The following CCR5AS variants were observed in gnomAD, a reference collection of about 807,000 sequenced individuals.
The protein encoded by CCR5AS is CCR5 antisense RNA.
chr3:46,377,483 A>G (rs916611782), intron 2 of CCR5AS, among the ~76,000 whole-genome samples: 6 of 152,226 alleles, frequency 3.9e-5, no homozygotes, highest in Non-Finnish European at 8.8e-5. Context: ...TTTGTACTCC[A>G]GGGGTTCTTA....
At chr3:46,367,156 C>G (rs1701607277) in intron 3 of CCR5AS, among the ~76,000 whole-genome samples, 2 of 152,002 alleles carry the variant, frequency 1.3e-5, no homozygotes, top group Admixed American at 6.5e-5. Flanking sequence ...GTGGCCCTTA[C>G]CTCTGGGTGG....
At chr3:46,370,597 T>G (rs1701648188) in intron 3 of CCR5AS, among the ~76,000 whole-genome samples, 1 of 152,242 alleles carries the variant, frequency 6.6e-6, no homozygotes, top group Non-Finnish European at 1.5e-5. Context: ...AATCATTTGC[T>G]TCTTGGATAG....
intron 3 of CCR5AS, among the ~76,000 whole-genome samples, chr3:46,367,058 T>C (rs1701606570): frequency 6.6e-6 from 1 of 152,178 alleles, no homozygotes; most frequent in African/African-American, 2.4e-5. Context: ...TTTTGTTGAA[T>C]GAATGAAGCC....
chr3:46,377,201 T>C lies in CCR5AS; in HGVS notation n.392-5784A>G, dbSNP rs1048490917. 3.9e-5 allele frequency among the ~76,000 whole-genome samples: 6 copies of C among 152,198 alleles called. No homozygotes were observed. The South Asian group carries it at 1.0e-3, about 26-fold the overall frequency. On this transcript the variant is annotated intron_variant and non_coding_transcript_variant, in intron 2 of 3. Transcript: ENST00000451485. ...CATCTTATTAAATGTCTTCCAACGT[T>C]AGCACGAAGAAAAGCTATTTGCAGT...
intron 1 of CCR5AS, among the ~76,000 whole-genome samples, chr3:46,404,630 A>G (rs1489053189): frequency 2.6e-5 from 4 of 151,892 alleles, no homozygotes; most frequent in Non-Finnish European, 5.9e-5. Context: ...GAGCCACCAC[A>G]GCCAGCTCTC....
chr3:46,367,720 A>T (rs1701613691), intron 3 of CCR5AS, among the ~76,000 whole-genome samples: 1 of 152,132 alleles, frequency 6.6e-6, no homozygotes, highest in Admixed American at 6.5e-5. Flanking sequence ...ATAGGGGCGC[A>T]CCACCACATC....
intron 2 of CCR5AS, among the ~76,000 whole-genome samples, chr3:46,377,943 G>T (rs1701778873): frequency 6.6e-6 from 1 of 152,132 alleles, no homozygotes. Flanking sequence ...CTGACCTCGT[G>T]ATCTGCCCGC....
chr3:46,385,828 C>T (rs1701856114), intron 2 of CCR5AS, among the ~76,000 whole-genome samples: 1 of 152,054 alleles, frequency 6.6e-6, no homozygotes, highest in South Asian at 2.1e-4. Flanking sequence ...GCAAGCTCTG[C>T]CTCCAGGGTT....
chr3:46,375,011 G>T (rs1270356449), intron 2 of CCR5AS: 1 of 167,466 alleles, frequency 6.0e-6, no homozygotes, highest in Non-Finnish European at 1.5e-5. Context: ...GAGTCAGAGA[G>T]AATCCCTAGT....
intron 2 of CCR5AS, among the ~76,000 whole-genome samples, chr3:46,385,444 T>G (rs1575284234): frequency 2.6e-5 from 4 of 152,130 alleles, no homozygotes; most frequent in African/African-American, 9.7e-5. Flanking sequence ...AGCAACTGGA[T>G]CCAATATGGT....
At chr3:46,403,671 G>A (rs1162605441) in intron 1 of CCR5AS, among the ~76,000 whole-genome samples, 1 of 152,190 alleles carries the variant, frequency 6.6e-6, no homozygotes, top group Non-Finnish European at 1.5e-5. Flanking sequence ...TGGCAGGTTG[G>A]GGCTGCTGAG....
chr3:46,394,211 G>T (rs556067009), intron 1 of CCR5AS, among the ~76,000 whole-genome samples: 32 of 152,226 alleles, frequency 2.1e-4, no homozygotes, highest in Admixed American at 1.8e-3. Flanking sequence ...CAACATCCTG[G>T]AACACTCAGG....
At chr3:46,389,854 T>A (rs1220407722) in intron 2 of CCR5AS, among the ~76,000 whole-genome samples, 1 of 152,010 alleles carries the variant, frequency 6.6e-6, no homozygotes. Context: ...TCTGGGAGAT[T>A]AACTGAACAG....
intron 2 of CCR5AS, among the ~76,000 whole-genome samples, chr3:46,380,145 G>C (rs1238933940): frequency 6.6e-6 from 1 of 152,078 alleles, no homozygotes; most frequent in African/African-American, 2.4e-5. Context: ...CCTTCAACCT[G>C]CCTTTCTGGA....
chr3:46,369,752 A>G (rs1425155316), intron 3 of CCR5AS, among the ~76,000 whole-genome samples: 1 of 152,148 alleles, frequency 6.6e-6, no homozygotes, highest in Non-Finnish European at 1.5e-5. Flanking sequence ...TGAAATGACT[A>G]CTGTCATTCA....
chr3:46,368,039 A>G (rs554327024), intron 3 of CCR5AS, among the ~76,000 whole-genome samples: 4 of 152,286 alleles, frequency 2.6e-5, no homozygotes, highest in South Asian at 2.1e-4. Flanking sequence ...CTTGCACCCA[A>G]AGTGAATAAT....
chr3:46,395,119 T>G (rs1701948358), intron 1 of CCR5AS, among the ~76,000 whole-genome samples: 1 of 152,108 alleles, frequency 6.6e-6, no homozygotes, highest in African/African-American at 2.4e-5. Flanking sequence ...CTCTGAGGGC[T>G]CAAGGGAGGA....
chr3:46,406,956 A>C (rs1239405235), exon 1 of CCR5AS: 1 of 152,206 alleles, frequency 6.6e-6, no homozygotes, highest in Non-Finnish European at 1.5e-5. Flanking sequence ...GTTTCTGCGA[A>C]CACTGGTGAG....
intron 2 of CCR5AS, among the ~76,000 whole-genome samples, chr3:46,377,914 C>A (rs1489307182): frequency 6.6e-6 from 1 of 152,134 alleles, no homozygotes; most frequent in Non-Finnish European, 1.5e-5. Context: ...ACCGTATTAG[C>A]CAGGATGCTC....
Sources: allele counts gnomAD v4.1 joint callset (sites outside exome capture counted in the v4.1 genomes callset), GRCh38; gene constraint gnomAD v4.1.1; transcripts MANE v1.5; gene names NCBI Gene and HGNC (gene_info 2026-07-23, HGNC 2026-07-21).